ATF6: variants seen among roughly 807,000 people sequenced by gnomAD.
ATF6 encodes activating transcription factor 6, also known as cyclic AMP-dependent transcription factor ATF-6 alpha.
ATF6 carries 53 observed loss-of-function variants against 83.6 expected under a neutral mutation model. That is an observed-to-expected ratio of 0.63 (90% confidence interval 0.51 to 0.80). The LOEUF is 0.80. ATF6 is among the 30% of genes least tolerant of loss of function. The pLI is 0.00. For missense variants in ATF6, 744 were observed against 797.9 expected (o/e 0.93, Z 0.81); for synonymous variants, 288 against 285.8 (o/e 1.01, Z -0.08).
intron 14 of ATF6, among the ~76,000 whole-genome samples, chr1:161,881,364 G>T (rs753668775): frequency 2.6e-5 from 4 of 152,100 alleles, no homozygotes; most frequent in Non-Finnish European, 5.9e-5. Context: ...CTCGTGGGAT[G>T]CCGAACTAAG....
At chr1:161,824,376 T>A (rs529185952) in intron 9 of ATF6, among the ~76,000 whole-genome samples, 1 of 117,212 alleles carries the variant, frequency 8.5e-6, no homozygotes, top group Non-Finnish European at 1.9e-5. Context: ...CAAGTTTTTT[T>A]GGTCAAAATT....
chr1:161,822,303 A>G (rs1685784008), intron 9 of ATF6, among the ~76,000 whole-genome samples: 1 of 152,200 alleles, frequency 6.6e-6, no homozygotes, highest in Non-Finnish European at 1.5e-5. Flanking sequence ...AACTCACAGC[A>G]TATTAGGGGC....
intron 4 of ATF6, among the ~76,000 whole-genome samples, chr1:161,784,756 T>C (rs1684709244): frequency 2.0e-5 from 3 of 152,238 alleles, no homozygotes; most frequent in African/African-American, 7.2e-5. Context: ...ATTTAGTTAC[T>C]AAATCCTGGT....
intron 9 of ATF6, among the ~76,000 whole-genome samples, chr1:161,824,235 A>G (rs965955336): frequency 2.0e-5 from 3 of 151,898 alleles, no homozygotes. Context: ...CTAGCACTTC[A>G]TGGTCTTCAC....
intron 10 of ATF6, among the ~76,000 whole-genome samples, chr1:161,850,032 CCT>C (rs1298738595): frequency 6.6e-6 from 1 of 152,198 alleles, no homozygotes; most frequent in Non-Finnish European, 1.5e-5. Flanking sequence ...CTGCCACAAA[CCT>C]AGTCCATGCC....
chr1:161,918,395 C>T (rs1446137637), intron 15 of ATF6, among the ~76,000 whole-genome samples: 1 of 152,096 alleles, frequency 6.6e-6, no homozygotes, highest in African/African-American at 2.4e-5. Context: ...AATTATTAGC[C>T]TCCTTTTCAG....
intron 14 of ATF6, among the ~76,000 whole-genome samples, chr1:161,908,514 G>T (rs1687921785): frequency 6.6e-6 from 1 of 152,002 alleles, no homozygotes; most frequent in Admixed American, 6.5e-5. Flanking sequence ...GAAATGTTTT[G>T]ATGTTTCTCC....
chr1:161,796,597 T>C (rs1188076511), intron 6 of ATF6, among the ~76,000 whole-genome samples: 1 of 152,262 alleles, frequency 6.6e-6, no homozygotes, highest in Admixed American at 6.5e-5. Flanking sequence ...TTTATAGCTA[T>C]ACTTCTGACT....
At chr1:161,784,169 G>T (rs1281501902) in intron 4 of ATF6, 73 bp downstream of exon 4, 1 of 1,055,152 alleles carries the variant, frequency 9.5e-7, no homozygotes, top group African/African-American at 1.6e-5. Context: ...GGAGGAGGCA[G>T]TTAACATTTA....
intron 2 of ATF6, among the ~76,000 whole-genome samples, chr1:161,781,590 G>C (rs1029520873): frequency 6.6e-6 from 1 of 152,070 alleles, no homozygotes; most frequent in East Asian, 1.9e-4. Flanking sequence ...GTATTTTGCT[G>C]GATTTCCCTT....
At position 161,802,273 on chromosome 1, in the gene ATF6, G is replaced by A; in HGVS notation, c.909+1G>A. ...TACCATGAGAAATGTCGGTTCAGAT[G>A]TAAGTTTTGAAACTTAGTGCTTCTC... is the stretch of plus-strand genomic sequence containing the variant. On this transcript the variant is annotated splice_donor_variant, in intron 7 of 15. Transcript: ENST00000367942. LOFTEE classifies it high-confidence loss of function. 3.1e-6 allele frequency: 5 copies of A among 1,613,208 alleles called. No individual in the cohort carries two copies. Among genetic ancestry groups the A allele is most frequent in the Non-Finnish European group, 4.2e-6 (5 of 1,179,352 alleles).
At chr1:161,875,561 C>G (rs1204785180) in intron 14 of ATF6, among the ~76,000 whole-genome samples, 3 of 151,710 alleles carry the variant, frequency 2.0e-5, no homozygotes, top group African/African-American at 7.2e-5. Flanking sequence ...AGAAGTTTTC[C>G]AAAATTCTAG....
chr1:161,780,769 G>T (rs570950158), intron 2 of ATF6, among the ~76,000 whole-genome samples: 101 of 152,238 alleles, frequency 6.6e-4, no homozygotes, highest in Non-Finnish European at 1.2e-3. Flanking sequence ...GAGTGCAGTG[G>T]CATGATCTTG....
intron 7 of ATF6, among the ~76,000 whole-genome samples, chr1:161,817,502 T>G (rs1685639345): frequency 6.6e-6 from 1 of 152,180 alleles, no homozygotes; most frequent in Admixed American, 6.5e-5. Flanking sequence ...CATTGCTCTT[T>G]GTATGTGCGT....
chr1:161,946,895 A>G (rs1688758778), intron 15 of ATF6, among the ~76,000 whole-genome samples: 1 of 152,198 alleles, frequency 6.6e-6, no homozygotes, highest in Non-Finnish European at 1.5e-5. Context: ...TAAGCAAGTA[A>G]GATATGACAT....
rs1686638370 is a variant in ATF6 at position 161,851,796 on chromosome 1, C to T, written c.1394C>T (p.Pro465Leu). 6.2e-7 allele frequency: 1 copy of T among 1,613,856 alleles called. No individual in the cohort carries two copies. The highest frequency in any genetic ancestry group is 8.5e-7 in the Non-Finnish European group (1 of 1,179,786). The change falls in exon 11 of 16, where the codon CCT (proline) becomes CTT (leucine). Residue 465 changes from proline to leucine, a missense_variant. By Grantham distance (98) the Pro-to-Leu change is moderately conservative (BLOSUM62 -3). Transcript: ENST00000367942. ...GAACCATTGCTTTACATTCCTCCAC[C>T]TCCTTGTCAGCCCCTAATTAACACA... ...TEEPLLYIPPPPCQPLINTTE... is the reference protein window; with the variant it reads ...TEEPLLYIPPLPCQPLINTTE...
At chr1:161,950,865 A>C (rs943310755) in intron 15 of ATF6, among the ~76,000 whole-genome samples, 2 of 152,158 alleles carry the variant, frequency 1.3e-5, no homozygotes, top group African/African-American at 2.4e-5. Flanking sequence ...TTTGTTAGTC[A>C]TTTTCTTTTT....
chr1:161,851,244 AC>A (rs1686617119), intron 10 of ATF6, among the ~76,000 whole-genome samples: 2 of 142,676 alleles, frequency 1.4e-5, no homozygotes, highest in African/African-American at 2.8e-5. Context: ...ACACACACAC[AC>A]ACACACACAC....
At chr1:161,773,140 A>ATTTTT (rs759769528) in intron 1 of ATF6, among the ~76,000 whole-genome samples, 36 of 130,078 alleles carry the variant, frequency 2.8e-4, no homozygotes, top group African/African-American at 8.9e-4. Context: ...TACTTTTTGT[A>ATTTTT]TTTTTTTTTT....
Sources: allele counts gnomAD v4.1 joint callset (sites outside exome capture counted in the v4.1 genomes callset), GRCh38; gene constraint gnomAD v4.1.1; transcripts MANE v1.5; gene names NCBI Gene and HGNC (gene_info 2026-07-23, HGNC 2026-07-21).